The following STK3 variants were observed in gnomAD, a reference collection of about 807,000 sequenced individuals.
STK3 encodes the protein serine/threonine kinase 3, also known as serine/threonine-protein kinase 3.
Under a neutral mutation model 58.0 loss-of-function variants are expected in STK3, and 41 were observed. The ratio of observed to expected loss-of-function variants is 0.71; its 90% CI spans 0.55 to 0.92. STK3 has a LOEUF of 0.92. STK3 is among the 40% of genes least tolerant of loss of function. The pLI is 0.00. For synonymous variants in STK3, 170 were observed against 191.0 expected, an observed-to-expected ratio of 0.89 and a Z score of 0.91; for missense variants, 479 against 602.7, an observed-to-expected ratio of 0.79 and a Z score of 2.15.
chr8:98,405,357 T>C (rs1189636855), intron 3 of STK3, among the ~76,000 whole-genome samples: 1 of 152,236 alleles, frequency 6.6e-6, no homozygotes, highest in Non-Finnish European at 1.5e-5. Context: ...AATAAGTTAA[T>C]ACACATAAAG....
Position 98,455,630 on chromosome 8 carries a change from T to C in STK3, c.*212A>G, listed in dbSNP as rs1335067747. The C allele has an allele frequency of 5.2e-6, 3 of 579,364 alleles. No homozygotes were observed. Among genetic ancestry groups the C allele is most frequent in the Non-Finnish European group, 9.1e-6 (3 of 329,840 alleles). The allele number at this position is 579,364 out of a possible 1,614,324, so 35.9% of individuals were successfully genotyped here. On this transcript the variant is annotated 3_prime_UTR_variant, in exon 11 of 11. Coordinates refer to ENST00000419617, the MANE Select transcript of STK3 (RefSeq NM_006281.4). ...AGCTGACAGAACAAGAGAATACACT[T>C]CTTTTGTTCTCCTCATCTTAGAGTG...
At chr8:98,731,642 G>A (rs2131250841) in intron 4 of STK3, among the ~76,000 whole-genome samples, 1 of 150,954 alleles carries the variant, frequency 6.6e-6, no homozygotes, top group East Asian at 2.0e-4. Context: ...AGAATGGTGT[G>A]AACCCGGGAG....
chr8:98,901,058 T>G (rs1838639224), intron 1 of STK3, among the ~76,000 whole-genome samples: 1 of 152,238 alleles, frequency 6.6e-6, no homozygotes, highest in Non-Finnish European at 1.5e-5. Context: ...ATGCTTAGCA[T>G]CTTTAATCAC....
Position 98,599,644 on chromosome 8 carries a change from G to A in STK3, c.685-3475C>T, listed in dbSNP as rs531354500. 3.3e-5 allele frequency among the ~76,000 whole-genome samples: 5 copies of A among 152,260 alleles called. No homozygotes were observed. The East Asian group carries it at 9.6e-4, about 29-fold the overall frequency. On this transcript the variant is annotated intron_variant, in intron 6 of 10. Coordinates refer to ENST00000419617, the MANE Select transcript of STK3 (RefSeq NM_006281.4). Reference sequence around the variant, plus strand: ...GATGGAGAAGAGGAAAAAGAGGGAAGGACAGGAAAAGGCCTTTTAGATGTT... The same window carrying A: ...GATGGAGAAGAGGAAAAAGAGGGAAAGACAGGAAAAGGCCTTTTAGATGTT...
intron 10 of STK3, among the ~76,000 whole-genome samples, chr8:98,467,999 T>C (rs996086781): frequency 2.0e-5 from 3 of 152,196 alleles, no homozygotes; most frequent in African/African-American, 2.4e-5. Flanking sequence ...ATGAAAGAGG[T>C]TAGCTAAAAC....
At chr8:98,705,679 A>G (rs1462882256) in intron 6 of STK3, among the ~76,000 whole-genome samples, 1 of 152,080 alleles carries the variant, frequency 6.6e-6, no homozygotes, top group Non-Finnish European at 1.5e-5. Context: ...ACACACATAC[A>G]TACACTCCTC....
chr8:98,776,274 A>G (rs1199736107), intron 1 of STK3, among the ~76,000 whole-genome samples: 1 of 152,104 alleles, frequency 6.6e-6, no homozygotes, highest in East Asian at 1.9e-4. Flanking sequence ...ACAAAAAGGC[A>G]TGGGTCACTA....
chr8:98,406,750 CTT>C (rs1265114888), intron 3 of STK3, among the ~76,000 whole-genome samples: 1 of 152,204 alleles, frequency 6.6e-6, no homozygotes, highest in Non-Finnish European at 1.5e-5. Context: ...CTACAATGCT[CTT>C]TTTTTCCCAG....
At chr8:98,714,154 C>T (rs1826790598) in intron 4 of STK3, among the ~76,000 whole-genome samples, 1 of 152,184 alleles carries the variant, frequency 6.6e-6, no homozygotes, top group Non-Finnish European at 1.5e-5. Context: ...CTATCTATGA[C>T]AAACCCACAG....
intron 6 of STK3, among the ~76,000 whole-genome samples, chr8:98,702,870 A>T (rs1825717210): frequency 6.6e-6 from 1 of 152,124 alleles, no homozygotes; most frequent in African/African-American, 2.4e-5. Flanking sequence ...TTTGTCTCTA[A>T]CTTTGTTCTA....
At chr8:98,648,296 C>A (rs1298285534) in intron 6 of STK3, among the ~76,000 whole-genome samples, 1 of 152,202 alleles carries the variant, frequency 6.6e-6, no homozygotes, top group Non-Finnish European at 1.5e-5. Context: ...ATACACAGAA[C>A]TCCATTCTTT....
chr8:98,724,347 A>T lies in STK3; in HGVS notation c.352-17036T>A, dbSNP rs148147161. Among the ~76,000 whole-genome samples the T allele has an allele frequency of 9.2e-3, 1,404 of 152,322 alleles. 16 individuals are homozygous for T. The highest frequency in any genetic ancestry group is 0.032 in the African/African-American group (1,327 of 41,570). ...AGAGATGACTTTTGAGCTGACTCTA[A>T]AAGAGTGAACAAAGTTTATCAGGTG... On this transcript the variant is annotated intron_variant, in intron 4 of 10. Transcript: ENST00000419617.
At chr8:98,506,651 C>T (rs1824103615) in intron 10 of STK3, among the ~76,000 whole-genome samples, 1 of 151,812 alleles carries the variant, frequency 6.6e-6, no homozygotes, top group Non-Finnish European at 1.5e-5. Flanking sequence ...GCAGAGGTTG[C>T]AGTGAGCTGA....
chr8:98,412,986 T>C, intron 3 of STK3: 1 of 243,386 alleles, frequency 4.1e-6, no homozygotes, highest in Non-Finnish European at 8.0e-6. Flanking sequence ...CTGGGACTAG[T>C]CCTTCTGATA....
chr8:98,442,409 C>T (rs1818731575), intron 1 of STK3, among the ~76,000 whole-genome samples: 1 of 152,232 alleles, frequency 6.6e-6, no homozygotes, highest in South Asian at 2.1e-4. Flanking sequence ...ACACAGTTTT[C>T]CTGAATGTTT....
intron 7 of STK3, among the ~76,000 whole-genome samples, chr8:98,588,610 C>T (rs946516812): frequency 3.9e-5 from 6 of 152,156 alleles, no homozygotes; most frequent in South Asian, 2.1e-4. Flanking sequence ...ATCTTTATGG[C>T]GTTCTCTGTA....
At chr8:98,417,669 TG>T (rs1361862015) in intron 3 of STK3, among the ~76,000 whole-genome samples, 1 of 152,162 alleles carries the variant, frequency 6.6e-6, no homozygotes, top group African/African-American at 2.4e-5. Flanking sequence ...TCCTAGCACA[TG>T]CCCCACCATG....
chr8:98,912,105 A>G (rs532759019), intron 1 of STK3, among the ~76,000 whole-genome samples: 7 of 152,310 alleles, frequency 4.6e-5, no homozygotes, highest in Admixed American at 2.6e-4. Flanking sequence ...TGGGCCGGGC[A>G]CCGTGGCTCA....
At chr8:98,432,778 G>A (rs1818355343) in intron 3 of STK3, 1 of 166,914 alleles carries the variant, frequency 6.0e-6, no homozygotes, top group African/African-American at 2.4e-5. Context: ...AATTGAGGAT[G>A]CCATATTTGA....
Sources: gnomAD v4.1 joint callset for allele counts (sites outside exome capture counted in the v4.1 genomes callset) on GRCh38, gnomAD v4.1.1 for gene constraint, MANE v1.5 for transcripts, NCBI Gene and HGNC (gene_info 2026-07-23, HGNC 2026-07-21) for gene names.